Variants in PRIM2 observed in about 807,000 individuals in gnomAD.
PRIM2 encodes the protein DNA primase large subunit.
Under a neutral mutation model 67.3 loss-of-function variants are expected in PRIM2, and 39 were observed. That is an observed-to-expected ratio of 0.58 (90% CI 0.45 to 0.76). The LOEUF (loss-of-function observed/expected upper bound fraction) is 0.76, where lower values mean the gene tolerates loss of function less well. Ranked by LOEUF, PRIM2 falls within the 30% of genes least tolerant of loss-of-function variation. PRIM2 has a pLI of 0.00. For missense variants in PRIM2, 398 were observed against 598.7 expected, an observed-to-expected ratio of 0.66 and a Z score of 3.50; for synonymous variants, 143 against 198.7, an observed-to-expected ratio of 0.72 and a Z score of 2.36.
chr6:57,643,250 G>T (rs1304654691), intron 13 of PRIM2, among the ~76,000 whole-genome samples: 5 of 152,132 alleles, frequency 3.3e-5, no homozygotes, highest in Non-Finnish European at 7.4e-5. Context: ...GGTTATTTTT[G>T]CATGAAATAG....
At chr6:57,376,083 G>A (rs577472910) in intron 5 of PRIM2, among the ~76,000 whole-genome samples, 2 of 152,100 alleles carry the variant, frequency 1.3e-5, no homozygotes, top group Non-Finnish European at 2.9e-5. Flanking sequence ...AGAATAATTA[G>A]CTGGGCATGG....
chr6:57,391,268 T>C (rs1770335963), intron 7 of PRIM2, among the ~76,000 whole-genome samples: 1 of 148,174 alleles, frequency 6.7e-6, no homozygotes, highest in Admixed American at 6.8e-5. Flanking sequence ...TCCTTATAGA[T>C]GTTGAATATT....
At chr6:57,381,014 T>C (rs1769941593) in intron 6 of PRIM2, among the ~76,000 whole-genome samples, 2 of 151,730 alleles carry the variant, frequency 1.3e-5, no homozygotes, top group Non-Finnish European at 2.9e-5. Context: ...GAGCTTGGAC[T>C]AGAACTCATG....
the PRIM2 span, among the ~76,000 whole-genome samples, chr6:57,264,718 T>C: frequency 1.3e-5 from 2 of 148,518 alleles, no homozygotes; most frequent in African/African-American, 4.9e-5. Context: ...TGCCTCAGCC[T>C]CCTGAGTAGC....
Position 57,532,454 on chromosome 6 carries a change from G to C in PRIM2, c.805G>C (p.Gly269Arg), listed in dbSNP as rs1774911759. 1 of 1,464,572 alleles carries C rather than the reference G, an allele frequency of 6.8e-7. No individual in the cohort carries two copies. The highest frequency in any genetic ancestry group is 9.3e-7 in the Non-Finnish European group (1 of 1,079,710). The allele number at this position is 1,464,572 out of a possible 1,614,324, so 90.7% of individuals were successfully genotyped here. ...GQDYSTQGNV[G>R]KISLDQIDLL... ...AGATTACAGTACCCAGGGAAATGTT[G>C]GGAAGATTTCTTTAGATCAGATTGA... The change falls in exon 9 of 14, where the codon GGG (glycine) becomes CGG (arginine). Residue 269 changes from glycine to arginine, a missense_variant. Transcript: ENST00000615550.
chr6:57,589,963 T>C (rs1312763327), intron 10 of PRIM2, among the ~76,000 whole-genome samples: 8 of 151,870 alleles, frequency 5.3e-5, no homozygotes, highest in Admixed American at 3.3e-4. Flanking sequence ...GAGACAAAGA[T>C]CCAGGAAGAA....
chr6:57,434,972 T>C (rs372040418), intron 7 of PRIM2: 4 of 151,142 alleles, frequency 2.6e-5, no homozygotes, highest in East Asian at 2.0e-4. Context: ...TTTTTGTAGA[T>C]ATGGAGTCTT....
chr6:57,617,693 A>G (rs1281962891), intron 12 of PRIM2, among the ~76,000 whole-genome samples: 3 of 152,120 alleles, frequency 2.0e-5, no homozygotes, highest in Admixed American at 1.3e-4. Context: ...ATGTTCTCCT[A>G]TTCTGTAGGT....
chr6:57,312,819 AT>A (rs1767412319), upstream of PRIM2, among the ~76,000 whole-genome samples: 1 of 152,148 alleles, frequency 6.6e-6, no homozygotes, highest in African/African-American at 2.4e-5. Context: ...AATTCTTAAA[AT>A]TTTGCCTTTC....
intron 10 of PRIM2, among the ~76,000 whole-genome samples, chr6:57,589,709 A>G (rs1776254463): frequency 1.3e-5 from 2 of 152,194 alleles, no homozygotes; most frequent in African/African-American, 2.4e-5. Flanking sequence ...AGCCCCCACC[A>G]TAGCCGAAGA....
the PRIM2 span, among the ~76,000 whole-genome samples, chr6:57,295,716 C>A: frequency 1.3e-5 from 2 of 152,160 alleles, no homozygotes; most frequent in Non-Finnish European, 2.9e-5. Flanking sequence ...CTACCAATTG[C>A]CTGATGCTTA....
At chr6:57,578,808 C>G (rs1368774141) in intron 10 of PRIM2, among the ~76,000 whole-genome samples, 3 of 151,318 alleles carry the variant, frequency 2.0e-5, no homozygotes, top group Non-Finnish European at 4.4e-5. Flanking sequence ...TCCCGAGTAG[C>G]TGGGACTACA....
chr6:57,329,203 A>C (rs758381728), intron 5 of PRIM2, among the ~76,000 whole-genome samples: 5 of 151,986 alleles, frequency 3.3e-5, no homozygotes, highest in African/African-American at 4.8e-5. Flanking sequence ...GAGTCTAAGA[A>C]GTCTTTGTCT....
intron 7 of PRIM2, among the ~76,000 whole-genome samples, chr6:57,487,969 G>A (rs1297004159): frequency 6.6e-6 from 1 of 152,176 alleles, no homozygotes; most frequent in South Asian, 2.1e-4. Flanking sequence ...AGTTAATACA[G>A]TATAGTTTAC....
the PRIM2 span, among the ~76,000 whole-genome samples, chr6:57,299,306 T>C: frequency 6.6e-6 from 1 of 152,300 alleles, no homozygotes; most frequent in South Asian, 2.1e-4. Context: ...AAAAATCTCC[T>C]TACTATACCA....
chr6:57,388,617 G>C (rs1770227912), intron 7 of PRIM2, among the ~76,000 whole-genome samples: 1 of 152,134 alleles, frequency 6.6e-6, no homozygotes, highest in African/African-American at 2.4e-5. Flanking sequence ...TATACAGGTA[G>C]TGAGGAGCAG....
At chr6:57,513,510 C>T (rs1212238002) in intron 8 of PRIM2, among the ~76,000 whole-genome samples, 6 of 151,906 alleles carry the variant, frequency 3.9e-5, no homozygotes, top group East Asian at 1.9e-4. Context: ...TTAAAAATAA[C>T]GCCTACAGTG....
intron 7 of PRIM2, among the ~76,000 whole-genome samples, chr6:57,407,460 G>A (rs1413403293): frequency 6.6e-6 from 1 of 150,684 alleles, no homozygotes; most frequent in African/African-American, 2.5e-5. Flanking sequence ...TGTTTCCAGT[G>A]TGGGTTTTTT....
At chr6:57,364,604 C>T (rs1277279298) in intron 5 of PRIM2, among the ~76,000 whole-genome samples, 2 of 152,064 alleles carry the variant, frequency 1.3e-5, no homozygotes, top group Non-Finnish European at 2.9e-5. Context: ...GATGGTGGGT[C>T]AATTCTAGTT....
Sources: allele counts gnomAD v4.1 joint callset (sites outside exome capture counted in the v4.1 genomes callset), GRCh38; gene constraint gnomAD v4.1.1; transcripts MANE v1.5; gene names NCBI Gene and HGNC (gene_info 2026-07-23, HGNC 2026-07-21).